UBN2: variants seen among roughly 807,000 people sequenced by gnomAD.
UBN2 encodes ubinuclein 2.
Under a neutral mutation model 120.2 loss-of-function variants are expected in UBN2, and 35 were observed. The ratio of observed to expected loss-of-function variants is 0.29; its 90% CI spans 0.22 to 0.39. The LOEUF (loss-of-function observed/expected upper bound fraction) is 0.39. UBN2 is among the 10% of genes least tolerant of loss of function. The pLI is 1.00. For synonymous variants in UBN2, 661 were observed against 648.7 expected (o/e 1.02, Z -0.29); for missense variants, 1,693 against 1,663.2 (o/e 1.02, Z -0.31).
Position 139,231,628 on chromosome 7 carries a change from GGC to G in UBN2, c.146_147del (p.Ala49GlyfsTer68). ...EPQPYREPARAEPPAPREPAP... is the reference protein window; with the variant it reads ...EPQPYREPARXEPPAPREPAP... ...CGCAGCCGTACCGCGAGCCGGCCCG[GGC>G]GGAGCCGCCGGCCCCGCGGGAGCCT... On this transcript the variant is annotated frameshift_variant, in exon 1 of 18. Transcript: ENST00000473989. LOFTEE classifies it high-confidence loss of function. 1 of 1,257,212 alleles carries G rather than the reference GGC, an allele frequency of 8.0e-7. No homozygotes were observed. The highest frequency in any genetic ancestry group is 1.0e-6 in the Non-Finnish European group (1 of 1,002,140). 77.9% of individuals were successfully genotyped at this position (1,257,212 alleles called of 1,614,324 possible). A position where few individuals can be genotyped will look rare whatever the true frequency, so the allele number is the denominator to read the frequency against.
chr7:139,272,470 T>C (rs1458118163), intron 9 of UBN2, 30 bp downstream of exon 9: 5 of 1,552,974 alleles, frequency 3.2e-6, no homozygotes. Flanking sequence ...GGACTGGCTT[T>C]TGCATTTGAG....
chr7:139,234,560 T>C (rs575977313), intron 1 of UBN2, among the ~76,000 whole-genome samples: 50 of 152,276 alleles, frequency 3.3e-4, no homozygotes, highest in Middle Eastern at 6.8e-3. Context: ...ATTGAGATGG[T>C]TTAGGATGAT....
chr7:139,281,687 CAAA>C (rs1168507639), intron 13 of UBN2, among the ~76,000 whole-genome samples: 2 of 152,118 alleles, frequency 1.3e-5, no homozygotes, highest in African/African-American at 2.4e-5. Context: ...AAAAATTAAT[CAAA>C]AAGTTATTTT....
chr7:139,269,245 G>C (rs374313459), intron 7 of UBN2, 149 bp from the exon 8 acceptor site: 1 of 741,146 alleles, frequency 1.3e-6, no homozygotes, highest in Non-Finnish European at 2.0e-6. Flanking sequence ...TATTGCTATG[G>C]GTTTTTTTTT....
the UBN2 span, among the ~76,000 whole-genome samples, chr7:139,317,649 ATTC>A: frequency 1.8e-4 from 28 of 151,752 alleles, no homozygotes; most frequent in Middle Eastern, 0.01. Flanking sequence ...TTTTTCAGCT[ATTC>A]TTGTTGTTTT....
intron 2 of UBN2, among the ~76,000 whole-genome samples, chr7:139,251,713 G>A (rs913111332): frequency 3.9e-5 from 6 of 152,210 alleles, no homozygotes; most frequent in African/African-American, 1.4e-4. Context: ...GACGTTGACT[G>A]TAGTCACCTA....
intron 9 of UBN2, among the ~76,000 whole-genome samples, chr7:139,272,685 C>T (rs1447734960): frequency 6.6e-6 from 1 of 152,088 alleles, no homozygotes; most frequent in African/African-American, 2.4e-5. Context: ...TGCCACCACA[C>T]CAGGCTAATT....
At chr7:139,322,273 G>A in the UBN2 span, among the ~76,000 whole-genome samples, 310 of 151,988 alleles carry the variant, frequency 2.0e-3, 1 homozygote, top group Middle Eastern at 6.8e-3. Context: ...CATGCACAGC[G>A]GAGACTATTT....
chr7:139,319,753 A>G, the UBN2 span, among the ~76,000 whole-genome samples: 2 of 152,170 alleles, frequency 1.3e-5, no homozygotes, highest in Non-Finnish European at 2.9e-5. Context: ...GTCATGCTTT[A>G]AAGTATTTTT....
intron 2 of UBN2, among the ~76,000 whole-genome samples, chr7:139,248,724 ATATT>A (rs1458105898): frequency 1.3e-5 from 2 of 152,030 alleles, no homozygotes; most frequent in Non-Finnish European, 2.9e-5. Flanking sequence ...GGATTTTTAT[ATATT>A]TATTAGATCT....
intron 2 of UBN2, among the ~76,000 whole-genome samples, chr7:139,241,966 C>T (rs1796331205): frequency 6.6e-6 from 1 of 152,110 alleles, no homozygotes; most frequent in African/African-American, 2.4e-5. Context: ...CCGTTGTACT[C>T]CAGCCTGGCG....
At chr7:139,255,209 T>C (rs1796725211) in intron 3 of UBN2, among the ~76,000 whole-genome samples, 1 of 152,210 alleles carries the variant, frequency 6.6e-6, no homozygotes, top group South Asian at 2.1e-4. Flanking sequence ...AGTATGTAAC[T>C]TTTATAAATA....
rs977704591 is a variant in UBN2, at chr7:139,305,180, T to A, written c.*7344T>A. 6.6e-6 allele frequency: 1 copy of A among 152,236 alleles called. No homozygotes were observed. Among genetic ancestry groups the A allele is most frequent in the Admixed American group, 6.5e-5 (1 of 15,288 alleles). The allele number at this position is 152,236 out of a possible 1,614,324, so 9.4% of individuals were successfully genotyped here. On this transcript the variant is annotated 3_prime_UTR_variant, in exon 18 of 18. Coordinates refer to ENST00000473989, the MANE Select transcript of UBN2 (RefSeq NM_173569.4). Reference sequence around the variant, plus strand: ...TGGGTGATCAAACTCTAATTAAAAATAGCTTTGAATATTAATGTTGAATTC... The same window carrying A: ...TGGGTGATCAAACTCTAATTAAAAAAAGCTTTGAATATTAATGTTGAATTC...
At chr7:139,290,763 A>G (rs145851420) in intron 15 of UBN2, among the ~76,000 whole-genome samples, 50 of 152,256 alleles carry the variant, frequency 3.3e-4, no homozygotes, top group Non-Finnish European at 5.6e-4. Context: ...CAGGGGAGGG[A>G]GGCAGTTAAA....
chr7:139,289,430 T>TTTTTTTTTTTTA (rs1797883087), intron 15 of UBN2, among the ~76,000 whole-genome samples: 2 of 150,604 alleles, frequency 1.3e-5, no homozygotes, highest in African/African-American at 4.9e-5. Flanking sequence ...TTTTTTTTTT[T>TTTTTTTTTTTTA]GAGACAGGGT....
At chr7:139,281,423 G>A (rs567217372) in intron 13 of UBN2, among the ~76,000 whole-genome samples, 1 of 152,242 alleles carries the variant, frequency 6.6e-6, no homozygotes, top group Non-Finnish European at 1.5e-5. Context: ...CTCAGTCAGA[G>A]AATAAAAGCT....
intron 3 of UBN2, among the ~76,000 whole-genome samples, chr7:139,256,664 G>A (rs1189253960): frequency 2.0e-5 from 3 of 152,100 alleles, no homozygotes; most frequent in Admixed American, 6.5e-5. Flanking sequence ...GTTAGTTTTC[G>A]AAATTATTAC....
At chr7:139,278,527 T>C (rs1245391154) in intron 12 of UBN2, among the ~76,000 whole-genome samples, 1 of 152,128 alleles carries the variant, frequency 6.6e-6, no homozygotes, top group Non-Finnish European at 1.5e-5. Context: ...TAACTTTGTG[T>C]TTTGTTTAAC....
In UBN2 at chr7:139,288,446, G is replaced by A. The variant is rs968601616; in HGVS notation, c.3669+3872G>A. Among the ~76,000 whole-genome samples, 17 of 152,186 alleles carry A rather than the reference G, an allele frequency of 1.1e-4. No homozygotes were observed. The East Asian group carries it at 3.3e-3, about 29-fold the overall frequency. Reference sequence around the variant, plus strand: ...TATGAAGACACTGAGATGGAAAAGAGCCTGAAGTGAAGGCCTGCATGGCTG... The same window carrying A: ...TATGAAGACACTGAGATGGAAAAGAACCTGAAGTGAAGGCCTGCATGGCTG... On this transcript the variant is annotated intron_variant, in intron 15 of 17. Transcript: ENST00000473989.
Sources: allele counts gnomAD v4.1 joint callset (sites outside exome capture counted in the v4.1 genomes callset), GRCh38; gene constraint gnomAD v4.1.1; transcripts MANE v1.5; gene names NCBI Gene and HGNC (gene_info 2026-07-23, HGNC 2026-07-21).